ABTB3: variants seen among roughly 807,000 people sequenced by gnomAD.
The protein encoded by ABTB3 is ankyrin repeat- and BTB/POZ domain-containing protein 3.
chr12:107,520,636 A>T, the ABTB3 span: 1 of 1,614,080 alleles, frequency 6.2e-7, no homozygotes, highest in Non-Finnish European at 8.5e-7. Flanking sequence ...CGCCGAATTG[A>T]GTAAGTAGAT....
chr12:107,580,664 AGAC>A, the ABTB3 span: 1 of 525,602 alleles, frequency 1.9e-6, no homozygotes, highest in Non-Finnish European at 3.1e-6. Context: ...AGCTCCAGAA[AGAC>A]GACAGGGACG....
chr12:107,366,316 A>C, the ABTB3 span, among the ~76,000 whole-genome samples: 1 of 152,232 alleles, frequency 6.6e-6, no homozygotes, highest in South Asian at 2.1e-4. Context: ...AGCATCGTAC[A>C]TAAGGTCTCT....
chr12:107,494,529 G>C, the ABTB3 span, among the ~76,000 whole-genome samples: 1 of 152,198 alleles, frequency 6.6e-6, no homozygotes, highest in Non-Finnish European at 1.5e-5. Context: ...GGTATGGCCA[G>C]GGAGCCAAAT....
At chr12:107,454,439 AG>A in the ABTB3 span, among the ~76,000 whole-genome samples, 31 of 152,330 alleles carry the variant, frequency 2.0e-4, no homozygotes, top group African/African-American at 7.0e-4. Flanking sequence ...ATTAAGGGTT[AG>A]GGGGGTTCAT....
the ABTB3 span, among the ~76,000 whole-genome samples, chr12:107,622,387 G>A: frequency 3.3e-5 from 5 of 152,280 alleles, no homozygotes; most frequent in East Asian, 1.9e-4. Context: ...GTCTCCTGTC[G>A]GACAATAGGG....
chr12:107,382,187 G>A, the ABTB3 span, among the ~76,000 whole-genome samples: 1 of 152,186 alleles, frequency 6.6e-6, no homozygotes, highest in Non-Finnish European at 1.5e-5. Flanking sequence ...ATTCCATAAG[G>A]GCCCCCTGGA....
chr12:107,373,808 A>T, the ABTB3 span, among the ~76,000 whole-genome samples: 1 of 152,150 alleles, frequency 6.6e-6, no homozygotes, highest in African/African-American at 2.4e-5. Flanking sequence ...ATGGCCCCGT[A>T]ACTCAGCATC....
At chr12:107,418,749 G>C in the ABTB3 span, among the ~76,000 whole-genome samples, 3 of 152,176 alleles carry the variant, frequency 2.0e-5, no homozygotes, top group African/African-American at 7.2e-5. Context: ...AGGACCCCAC[G>C]CTTCTCTAAG....
the ABTB3 span, chr12:107,520,741 A>G: frequency 7.0e-7 from 1 of 1,433,872 alleles, no homozygotes; most frequent in Non-Finnish European, 9.5e-7. Context: ...ACTATTTTGT[A>G]ATCAGCGGGG....
the ABTB3 span, among the ~76,000 whole-genome samples, chr12:107,391,130 G>T: frequency 6.6e-6 from 1 of 152,192 alleles, no homozygotes; most frequent in Non-Finnish European, 1.5e-5. Context: ...TAGCCTAGGT[G>T]ACAGAGCGAG....
At chr12:107,637,435 C>CCCAAGCA in the ABTB3 span, among the ~76,000 whole-genome samples, 1 of 151,916 alleles carries the variant, frequency 6.6e-6, no homozygotes, top group Non-Finnish European at 1.5e-5. Context: ...TGTTTTTCAG[C>CCCAAGCA]CCAAGCATTA....
chr12:107,540,152 A>G, the ABTB3 span, among the ~76,000 whole-genome samples: 3 of 152,166 alleles, frequency 2.0e-5, no homozygotes, highest in Non-Finnish European at 4.4e-5. Flanking sequence ...GTATTTTCTT[A>G]TAGTTCTGGA....
the ABTB3 span, among the ~76,000 whole-genome samples, chr12:107,577,076 G>A: frequency 1.3e-5 from 2 of 152,230 alleles, no homozygotes; most frequent in Non-Finnish European, 2.9e-5. Context: ...ATCTGCATTT[G>A]TAAGTAAAGT....
chr12:107,558,512 G>A, the ABTB3 span, among the ~76,000 whole-genome samples: 2 of 152,148 alleles, frequency 1.3e-5, no homozygotes, highest in Non-Finnish European at 2.9e-5. Flanking sequence ...GGTGTCATGG[G>A]GGCCTTTGAT....
chr12:107,537,342 A>G, the ABTB3 span, among the ~76,000 whole-genome samples: 1 of 152,186 alleles, frequency 6.6e-6, no homozygotes, highest in Admixed American at 6.5e-5. Flanking sequence ...ATAGTTAACA[A>G]TAATGTATAA....
the ABTB3 span, among the ~76,000 whole-genome samples, chr12:107,458,751 T>A: frequency 2.6e-5 from 4 of 152,124 alleles, no homozygotes; most frequent in African/African-American, 9.7e-5. Context: ...TTCCTCTAGA[T>A]ACCCTGTCCC....
the ABTB3 span, among the ~76,000 whole-genome samples, chr12:107,456,781 G>A: frequency 6.6e-6 from 1 of 152,146 alleles, no homozygotes; most frequent in Non-Finnish European, 1.5e-5. Flanking sequence ...ACAGCTAGGA[G>A]GTGACAGAAC....
At chr12:107,653,207 T>G in the ABTB3 span, among the ~76,000 whole-genome samples, 1 of 152,194 alleles carries the variant, frequency 6.6e-6, no homozygotes, top group South Asian at 2.1e-4. Flanking sequence ...ACGCTCCTAT[T>G]GCTTGTTGTG....
At chr12:107,420,798 T>G in the ABTB3 span, among the ~76,000 whole-genome samples, 1 of 152,192 alleles carries the variant, frequency 6.6e-6, no homozygotes, top group Non-Finnish European at 1.5e-5. Context: ...TTCTGCACCC[T>G]GGGGATTAAA....
Sources: gnomAD v4.1 joint callset for allele counts (sites outside exome capture counted in the v4.1 genomes callset) on GRCh38, gnomAD v4.1.1 for gene constraint, MANE v1.5 for transcripts, NCBI Gene and HGNC (gene_info 2026-07-23, HGNC 2026-07-21) for gene names.